Variants in LRRC40 observed in about 807,000 individuals in gnomAD.
LRRC40 encodes leucine rich repeat containing 40.
In LRRC40, 76 loss-of-function variants were observed where a neutral mutation model predicts 72.8. That is an observed-to-expected ratio of 1.04 (90% CI 0.87 to 1.26). LRRC40 has a LOEUF of 1.26. LRRC40 is among the 50% of genes most tolerant of loss of function. The probability of loss-of-function intolerance (pLI) is 0.00; values close to 1 mark genes in which losing one functional copy is unlikely to be tolerated. For missense variants in LRRC40, 684 were observed against 698.9 expected (o/e 0.98, Z 0.24); for synonymous variants, 243 against 254.2 (o/e 0.96, Z 0.42).
chr1:70,173,264 G>A (rs1188312120), intron 9 of LRRC40, among the ~76,000 whole-genome samples: 1 of 151,960 alleles, frequency 6.6e-6, no homozygotes, highest in East Asian at 1.9e-4. Context: ...ATTACAGATA[G>A]TACATTATTA....
At chr1:70,159,164 T>TA (rs962159988) in intron 10 of LRRC40, among the ~76,000 whole-genome samples, 166 bp downstream of exon 10, 9 of 151,080 alleles carry the variant, frequency 6.0e-5, no homozygotes, top group Admixed American at 4.0e-4. Flanking sequence ...TGGTAATGTT[T>TA]AAAAAAAAAT....
In LRRC40 at chr1:70,151,172, C is replaced by T; in HGVS notation, c.1473G>A (p.Met491Ile). 6.3e-7 allele frequency: 1 copy of T among 1,590,370 alleles called. No individual in the cohort carries two copies. Among genetic ancestry groups the T allele is most frequent in the Non-Finnish European group, 8.6e-7 (1 of 1,160,460 alleles). Residue 491 changes from methionine to isoleucine, a missense_variant, in exon 13 of 15, where the codon ATG becomes ATA. Coordinates refer to ENST00000370952, the MANE Select transcript of LRRC40 (RefSeq NM_017768.5). The stretch of plus-strand genomic sequence containing the variant: ...TCGTTTGCAGTCTTACCAGTGATTC[C>T]ATTTCTTCTGGCAAAGAATTTAAAA... ...NNFLNSLPEE[M>I]ESLVRLQTIN...
At position 70,164,725 on chromosome 1, in the gene LRRC40, G is replaced by A. The variant is rs112105521; in HGVS notation, c.1112-5287C>T. On this transcript the variant is annotated intron_variant, in intron 9 of 14. Coordinates refer to ENST00000370952, the MANE Select transcript of LRRC40 (RefSeq NM_017768.5). ...GGGTCTTTTTTTTAAATCTAAAATC[G>A]ATCCTTTGAGCTTATCACAAACTGT... 7.9e-5 allele frequency among the ~76,000 whole-genome samples: 12 copies of A among 152,138 alleles called. 1 individual carries two copies. Among genetic ancestry groups the A allele is most frequent in the South Asian group, 6.2e-4 (3 of 4,820 alleles).
chr1:70,155,556 A>G (rs1571440130), intron 11 of LRRC40, 133 bp downstream of exon 11: 1 of 407,432 alleles, frequency 2.5e-6, no homozygotes, highest in East Asian at 3.6e-5. Context: ...AAATCCCTCT[A>G]ATATTAATAA....
At chr1:70,176,360 G>A (rs1044302923) in intron 6 of LRRC40, among the ~76,000 whole-genome samples, 5 of 151,354 alleles carry the variant, frequency 3.3e-5, no homozygotes, top group Non-Finnish European at 5.9e-5. Context: ...GTGAAACCCC[G>A]TCTCTACTAA....
chr1:70,167,834 C>T (rs924228219), intron 9 of LRRC40, among the ~76,000 whole-genome samples: 2 of 152,146 alleles, frequency 1.3e-5, no homozygotes, highest in African/African-American at 2.4e-5. Context: ...AGGCTGGTCT[C>T]GAACTCCTGA....
intron 2 of LRRC40, among the ~76,000 whole-genome samples, chr1:70,188,854 A>C (rs771664724): frequency 6.6e-6 from 1 of 152,188 alleles, no homozygotes; most frequent in Non-Finnish European, 1.5e-5. Flanking sequence ...AGATGTGGAG[A>C]CTAAGGCACA....
intron 1 of LRRC40, among the ~76,000 whole-genome samples, chr1:70,191,297 T>C (rs1668495035): frequency 6.6e-6 from 1 of 152,186 alleles, no homozygotes; most frequent in Non-Finnish European, 1.5e-5. Flanking sequence ...CATGCATTTT[T>C]TTCTAACATC....
chr1:70,176,350 G>A (rs1029073676), intron 6 of LRRC40, among the ~76,000 whole-genome samples: 4 of 151,916 alleles, frequency 2.6e-5, no homozygotes, highest in Admixed American at 1.3e-4. Flanking sequence ...GGCCAACATG[G>A]TGAAACCCCG....
chr1:70,153,493 A>G (rs1187715648), intron 11 of LRRC40, among the ~76,000 whole-genome samples: 1 of 152,182 alleles, frequency 6.6e-6, no homozygotes, highest in Non-Finnish European at 1.5e-5. Flanking sequence ...TTCAATGTGT[A>G]ACTGATAAAA....
chr1:70,167,001 A>T (rs1226153997), intron 9 of LRRC40, among the ~76,000 whole-genome samples: 1 of 152,168 alleles, frequency 6.6e-6, no homozygotes, highest in Non-Finnish European at 1.5e-5. Flanking sequence ...AACTGAGAAG[A>T]AGGCAAAGAT....
intron 6 of LRRC40, among the ~76,000 whole-genome samples, chr1:70,176,831 T>C (rs937473631): frequency 1.3e-5 from 2 of 152,150 alleles, no homozygotes; most frequent in African/African-American, 4.8e-5. Flanking sequence ...AAAAGTTACA[T>C]ATGTCATGAA....
At position 70,153,088 on chromosome 1, in the gene LRRC40, C is replaced by T. The variant is rs544573285; in HGVS notation, c.1329-545G>A. Among the ~76,000 whole-genome samples, 6 of 152,188 alleles carry T rather than the reference C, an allele frequency of 3.9e-5. No homozygotes were observed. In the East Asian group the frequency reaches 5.8e-4, roughly 15 times the overall value. On this transcript the variant is annotated intron_variant, in intron 11 of 14. Coordinates refer to ENST00000370952, the MANE Select transcript of LRRC40 (RefSeq NM_017768.5). ...CTAACAAATGAAAGTTGGCTGGGCACGGTGGCTCACACCTATAATCTCAGC... is the reference window on the plus strand; with the variant it reads ...CTAACAAATGAAAGTTGGCTGGGCATGGTGGCTCACACCTATAATCTCAGC...
At chr1:70,162,457 G>T (rs1241852171) in intron 9 of LRRC40, among the ~76,000 whole-genome samples, 2 of 152,138 alleles carry the variant, frequency 1.3e-5, no homozygotes, top group Non-Finnish European at 2.9e-5. Flanking sequence ...CCAAACCTAT[G>T]AATCATGAAT....
At chr1:70,171,500 A>G in intron 9 of LRRC40, among the ~76,000 whole-genome samples, 1 of 152,142 alleles carries the variant, frequency 6.6e-6, no homozygotes, top group East Asian at 1.9e-4. Flanking sequence ...AATGATTTAA[A>G]AAAACAATTA....
At chr1:70,148,361 G>A (rs1295007923) in intron 14 of LRRC40, 126 bp downstream of exon 14, 2 of 778,796 alleles carry the variant, frequency 2.6e-6, no homozygotes, top group Non-Finnish European at 2.0e-6. Context: ...TTTGTTACTT[G>A]TTATTTTTAA....
intron 6 of LRRC40, 22 bp from the exon 7 acceptor site, chr1:70,176,004 A>G: frequency 6.7e-7 from 1 of 1,482,624 alleles, no homozygotes. Flanking sequence ...AAGATGAGTT[A>G]TGTGTATCTC....
rs1482906068 is a variant in LRRC40 at position 70,152,555 on chromosome 1, A to G, written c.1329-12T>C. ...TCAGTTCTACCATCCTGAAACAAAA[A>G]TAATTTTAAAATGTTAGCACTTGAA... is the stretch of plus-strand genomic sequence containing the variant. On this transcript the variant is annotated splice_polypyrimidine_tract_variant and intron_variant, in intron 11 of 14. Coordinates refer to ENST00000370952, the MANE Select transcript of LRRC40 (RefSeq NM_017768.5). The G allele has an allele frequency of 7.1e-7, 1 of 1,418,378 alleles. No homozygotes were observed. The highest frequency in any genetic ancestry group is 1.4e-5 in the African/African-American group (1 of 70,588). The allele number at this position is 1,418,378 out of a possible 1,614,324, so 87.9% of individuals were successfully genotyped here.
intron 2 of LRRC40, 30 bp downstream of exon 2, chr1:70,189,062 A>G (rs1338491093): frequency 3.2e-6 from 5 of 1,574,956 alleles, no homozygotes; most frequent in Non-Finnish European, 4.3e-6. Flanking sequence ...TCTTCAATTA[A>G]TAATCCATAT....
Sources: gnomAD v4.1 joint callset for allele counts (sites outside exome capture counted in the v4.1 genomes callset) on GRCh38, gnomAD v4.1.1 for gene constraint, MANE v1.5 for transcripts, NCBI Gene and HGNC (gene_info 2026-07-23, HGNC 2026-07-21) for gene names.